The following CDH23 variants were observed in gnomAD, a reference collection of about 807,000 sequenced individuals.
The protein encoded by CDH23 is cadherin related 23, also known as cadherin-23.
In CDH23, 189 loss-of-function variants were observed where a neutral mutation model predicts 317.1. That is an observed-to-expected ratio of 0.60 (90% CI 0.53 to 0.67). CDH23 has a LOEUF of 0.67. CDH23 is among the 30% of genes least tolerant of loss of function. The pLI is 0.00. For synonymous variants in CDH23, 1,839 were observed against 1,876.8 expected, an observed-to-expected ratio of 0.98 and a Z score of 0.52; for missense variants, 4,401 against 4,592.4, an observed-to-expected ratio of 0.96 and a Z score of 1.20.
At chr10:71,610,080 C>CTTGTT (rs1860783544) in intron 9 of CDH23, among the ~76,000 whole-genome samples, 1 of 152,136 alleles carries the variant, frequency 6.6e-6, no homozygotes, top group South Asian at 2.1e-4. Context: ...TCTTGGCTCA[C>CTTGTT]TGCAACCTCC....
chr10:71,675,042 A>T, intron 14 of CDH23, 70 bp from the exon 15 acceptor site: 1 of 1,409,136 alleles, frequency 7.1e-7, no homozygotes, highest in African/African-American at 1.4e-5. Flanking sequence ...CGAGAGGAAC[A>T]TGGGTTTCCT....
At chr10:71,412,232 A>C (rs1050747266) in intron 1 of CDH23, among the ~76,000 whole-genome samples, 2 of 152,202 alleles carry the variant, frequency 1.3e-5, no homozygotes, top group Admixed American at 1.3e-4. Context: ...GATTGTTGCC[A>C]CCTTCTGGTT....
chr10:71,590,876 A>AAAAAAAAC (rs747542965), intron 9 of CDH23, among the ~76,000 whole-genome samples: 15 of 87,460 alleles, frequency 1.7e-4, no homozygotes, highest in Non-Finnish European at 1.9e-4. Context: ...CTGTCTCTAA[A>AAAAAAAAC]AAAAAAAAAA....
rs774357708 is a variant in CDH23 at position 71,809,984 on chromosome 10, G to A, written c.8887G>A (p.Glu2963Lys). The change falls in exon 61 of 70, where the codon GAG becomes AAG. Residue 2963 changes from glutamate to lysine, a missense_variant. By Grantham distance (56) the Glu-to-Lys change is moderately conservative. Coordinates refer to ENST00000224721, the MANE Select transcript of CDH23 (RefSeq NM_022124.6). ...CCAGCGCGTCAAGATCGTCATTAAC[G>A]AGATCCCCGACCGTGTGCGCGGCTT... ...DDQRVKIVINEIPDRVRGFEE... is the reference protein window; with the variant it reads ...DDQRVKIVINKIPDRVRGFEE... 1.4e-5 allele frequency: 23 copies of A among 1,612,010 alleles called. No individual in the cohort carries two copies. The Admixed American group carries it at 1.8e-4, about 13-fold the overall frequency.
chr10:71,416,129 A>G (rs2131934384), intron 1 of CDH23, among the ~76,000 whole-genome samples: 1 of 152,202 alleles, frequency 6.6e-6, no homozygotes, highest in East Asian at 1.9e-4. Flanking sequence ...GGTTCAAGCA[A>G]TTCTCCTGCC....
intron 1 of CDH23, among the ~76,000 whole-genome samples, chr10:71,403,408 T>TTTCTTTCTCTTC (rs1320188460): frequency 2.1e-4 from 12 of 57,108 alleles, no homozygotes; most frequent in Admixed American, 8.1e-4. Context: ...TCTTTCTTTC[T>TTTCTTTCTCTTC]CTTCCTTCCT....
chr10:71,663,729 G>C (rs369672816), intron 14 of CDH23, among the ~76,000 whole-genome samples: 19 of 152,312 alleles, frequency 1.2e-4, no homozygotes, highest in African/African-American at 4.6e-4. Context: ...ATAATGCCTG[G>C]AACCCAGTAA....
At chr10:71,741,423 GT>G (rs1178400485) in intron 37 of CDH23, among the ~76,000 whole-genome samples, 3 of 152,126 alleles carry the variant, frequency 2.0e-5, no homozygotes, top group African/African-American at 7.2e-5. Context: ...CTGCACCTCA[GT>G]TTTCTCTTCT....
At chr10:71,423,784 C>A (rs1848921667) in intron 1 of CDH23, among the ~76,000 whole-genome samples, 1 of 152,114 alleles carries the variant, frequency 6.6e-6, no homozygotes, top group Admixed American at 6.5e-5. Flanking sequence ...GCCTCCAAGG[C>A]CAGTGAAGGC....
intron 50 of CDH23, among the ~76,000 whole-genome samples, chr10:71,798,818 C>T (rs939752951): frequency 2.0e-5 from 3 of 152,128 alleles, no homozygotes; most frequent in African/African-American, 7.2e-5. Flanking sequence ...ACCACCCAAG[C>T]TCCTACTATT....
chr10:71,652,588 A>G (rs375024894), intron 14 of CDH23, among the ~76,000 whole-genome samples: 1 of 152,220 alleles, frequency 6.6e-6, no homozygotes, highest in Non-Finnish European at 1.5e-5. Flanking sequence ...ACCGGGCCTC[A>G]GTTTCCTCTT....
intron 20 of CDH23, 88 bp downstream of exon 20, chr10:71,690,672 G>A: frequency 1.2e-6 from 1 of 863,166 alleles, no homozygotes; most frequent in Non-Finnish European, 1.9e-6. Context: ...TCTGGGCCCA[G>A]GTCCCCTTCC....
intron 60 of CDH23, among the ~76,000 whole-genome samples, chr10:71,808,246 T>C (rs1453284701): frequency 1.3e-5 from 2 of 152,234 alleles, no homozygotes; most frequent in African/African-American, 4.8e-5. Context: ...TTTCAACTCA[T>C]CTATCCATTA....
intron 9 of CDH23, among the ~76,000 whole-genome samples, chr10:71,607,277 G>A (rs1860586805): frequency 6.6e-6 from 1 of 152,254 alleles, no homozygotes; most frequent in Admixed American, 6.5e-5. Context: ...AGGGAAGACA[G>A]GAAGGGCCAG....
At chr10:71,748,161 G>C (rs77559756) in intron 38 of CDH23, 4,339 of 151,392 alleles carry the variant, frequency 0.029, 91 homozygotes, top group Non-Finnish European at 0.043. Flanking sequence ...TTGGTGCTCG[G>C]TGGTGGCAGG....
intron 11 of CDH23, chr10:71,617,604 C>A: frequency 7.9e-7 from 1 of 1,272,924 alleles, no homozygotes; most frequent in Non-Finnish European, 1.0e-6. Context: ...CATGTAAGCA[C>A]ATGTTTCCAT....
chr10:71,807,601 C>G lies in CDH23; in HGVS notation c.8394C>G (p.Ile2798Met), dbSNP rs765672191. ...ACCTGGACCGGGAGCGAGAAGCCAT[C>G]TTCTCCTTCATCGTCAAGGCCTCCA... ...LRDLDREREA[I>M]FSFIVKASSN... The change falls in exon 59 of 70, where the codon ATC becomes ATG. Residue 2798 changes from isoleucine (I) to methionine (M), a missense_variant. Around this residue, in one of 3 missense-constraint regions of CDH23, gnomAD observed 1,144 missense variants for 1,138.2 expected, o/e 1.01. Transcript: ENST00000224721. 23 of 1,613,868 alleles carry G rather than the reference C, an allele frequency of 1.4e-5. No homozygotes were observed. In the East Asian group the frequency reaches 5.1e-4, roughly 36 times the overall value.
intron 38 of CDH23, among the ~76,000 whole-genome samples, chr10:71,744,122 A>G (rs1208455532): frequency 6.6e-6 from 1 of 152,146 alleles, no homozygotes; most frequent in East Asian, 1.9e-4. Context: ...GAGGGACAGG[A>G]TTATCATGGT....
chr10:71,699,118 C>T (rs898382344), intron 22 of CDH23, among the ~76,000 whole-genome samples: 4 of 152,250 alleles, frequency 2.6e-5, no homozygotes, highest in Admixed American at 6.5e-5. Flanking sequence ...TTGCTGGAAT[C>T]GCACTTGTCT....
Sources: allele counts gnomAD v4.1 joint callset (sites outside exome capture counted in the v4.1 genomes callset), GRCh38; gene constraint gnomAD v4.1.1; regional missense constraint gnomAD v4.1.1; transcripts MANE v1.5; gene names NCBI Gene and HGNC (gene_info 2026-07-23, HGNC 2026-07-21).